DNAJC1: variants seen among roughly 807,000 people sequenced by gnomAD.
The protein encoded by DNAJC1 is dnaJ homolog subfamily C member 1.
Under a neutral mutation model 76.6 loss-of-function variants are expected in DNAJC1, and 58 were observed. The observed-to-expected ratio is 0.76, with a 90% CI of 0.61 to 0.94. DNAJC1 has a LOEUF of 0.94. Among genes scored for constraint, DNAJC1 ranks in the 40% least tolerant of loss-of-function variants. The pLI is 0.00. For missense variants in DNAJC1, 689 were observed against 677.3 expected, an observed-to-expected ratio of 1.02 and a Z score of -0.19; for synonymous variants, 258 against 267.9, an observed-to-expected ratio of 0.96 and a Z score of 0.36.
At chr10:21,889,087 C>T (rs1009117600) in intron 7 of DNAJC1, among the ~76,000 whole-genome samples, 2 of 152,164 alleles carry the variant, frequency 1.3e-5, no homozygotes, top group Non-Finnish European at 2.9e-5. Flanking sequence ...AAGTGGCTCA[C>T]AGCTCTGCGG....
intron 8 of DNAJC1, among the ~76,000 whole-genome samples, chr10:21,806,715 T>A (rs1205513092): frequency 1.3e-5 from 2 of 151,902 alleles, no homozygotes; most frequent in African/African-American, 2.4e-5. Flanking sequence ...TTTTTTTTTT[T>A]AAACTTCGGA....
At chr10:21,790,244 G>C (rs1007182802) in intron 9 of DNAJC1, among the ~76,000 whole-genome samples, 2 of 151,186 alleles carry the variant, frequency 1.3e-5, no homozygotes, top group Non-Finnish European at 2.9e-5. Context: ...GAGAAGACAT[G>C]GAAAAAGGCA....
intron 9 of DNAJC1, among the ~76,000 whole-genome samples, chr10:21,784,221 C>G (rs1182044960): frequency 6.6e-6 from 1 of 151,988 alleles, no homozygotes; most frequent in East Asian, 1.9e-4. Context: ...TCAAACAACC[C>G]CATCAAAAAG....
chr10:21,978,378 C>T (rs2131835029), intron 1 of DNAJC1, among the ~76,000 whole-genome samples: 1 of 152,184 alleles, frequency 6.6e-6, no homozygotes, highest in East Asian at 1.9e-4. Flanking sequence ...AAAGCCTCTC[C>T]TTTCAGTAAA....
chr10:21,886,118 A>C (rs1206760722), intron 7 of DNAJC1, among the ~76,000 whole-genome samples: 1 of 151,786 alleles, frequency 6.6e-6, no homozygotes, highest in African/African-American at 2.4e-5. Flanking sequence ...AACCCCAAAA[A>C]CCACAATTAG....
intron 9 of DNAJC1, among the ~76,000 whole-genome samples, chr10:21,783,251 C>T (rs141425506): frequency 0.019 from 2,850 of 152,274 alleles, 82 homozygotes; most frequent in African/African-American, 0.065. Context: ...TTCTTATACA[C>T]CAATAACAGA....
chr10:21,815,752 CT>C (rs1282861016), intron 8 of DNAJC1, among the ~76,000 whole-genome samples: 34 of 144,834 alleles, frequency 2.3e-4, no homozygotes, highest in African/African-American at 2.5e-4. Flanking sequence ...GGTTCATTTT[CT>C]TTTTTTTTTT....
chr10:21,779,348 T>C (rs754359894), intron 9 of DNAJC1, among the ~76,000 whole-genome samples: 1 of 152,098 alleles, frequency 6.6e-6, no homozygotes, highest in Non-Finnish European at 1.5e-5. Flanking sequence ...CACCTCCCAG[T>C]AGGGGCCAAC....
intron 8 of DNAJC1, among the ~76,000 whole-genome samples, chr10:21,818,917 C>T (rs1336032399): frequency 1.3e-5 from 2 of 152,122 alleles, no homozygotes; most frequent in African/African-American, 2.4e-5. Flanking sequence ...TATTACAATT[C>T]ACTGTCTGAA....
chr10:21,894,628 C>A (rs1836511189), intron 7 of DNAJC1, among the ~76,000 whole-genome samples: 1 of 152,152 alleles, frequency 6.6e-6, no homozygotes, highest in African/African-American at 2.4e-5. Context: ...TTATATGAAG[C>A]TGGCATTACC....
chr10:21,994,353 C>A (rs1838378402), intron 1 of DNAJC1, among the ~76,000 whole-genome samples: 1 of 152,170 alleles, frequency 6.6e-6, no homozygotes, highest in Non-Finnish European at 1.5e-5. Flanking sequence ...CAAAATCAAT[C>A]TAATTTACTT....
At chr10:21,851,417 A>C (rs1215093668) in intron 8 of DNAJC1, among the ~76,000 whole-genome samples, 1 of 152,354 alleles carries the variant, frequency 6.6e-6, no homozygotes, top group Non-Finnish European at 1.5e-5. Context: ...CCAAAGTGAG[A>C]TAGTGAGATA....
chr10:21,947,105 T>C (rs1373635237), intron 1 of DNAJC1, among the ~76,000 whole-genome samples: 3 of 152,218 alleles, frequency 2.0e-5, no homozygotes, highest in African/African-American at 7.2e-5. Flanking sequence ...GTCTGTGGTA[T>C]TCTGTCATAG....
intron 1 of DNAJC1, among the ~76,000 whole-genome samples, chr10:21,972,168 ATTG>A (rs1457958648): frequency 6.6e-6 from 1 of 151,958 alleles, no homozygotes; most frequent in East Asian, 1.9e-4. Context: ...AACTCCAAAT[ATTG>A]TTATTAGATT....
rs1348080614 is a variant in DNAJC1 at position 21,806,059 on chromosome 10, C to A, written c.1019G>T (p.Arg340Ile). ...CCCTCCTGGGAACTTAACCATACTT[C>A]TTGTCAGTTGGCTGAGGTCCTCTTC... ...WTEEDLSQLTRSMVKFPGGTP... is the reference protein window; with the variant it reads ...WTEEDLSQLTISMVKFPGGTP... The change falls in exon 9 of 12, where the codon AGA (arginine) becomes ATA (isoleucine). Residue 340 changes from arginine to isoleucine, a missense_variant. By Grantham distance (97) the Arg-to-Ile change is moderately conservative. Transcript: ENST00000376980. 1 of 1,612,062 alleles carries A rather than the reference C, an allele frequency of 6.2e-7. No individual in the cohort carries two copies. The highest frequency in any genetic ancestry group is 8.5e-7 in the Non-Finnish European group (1 of 1,179,680).
At chr10:21,907,492 A>G (rs1250864944) in intron 6 of DNAJC1, among the ~76,000 whole-genome samples, 1 of 152,140 alleles carries the variant, frequency 6.6e-6, no homozygotes, top group Non-Finnish European at 1.5e-5. Context: ...GCACTGACAA[A>G]TAGAAAGACT....
intron 7 of DNAJC1, among the ~76,000 whole-genome samples, chr10:21,892,391 ATCT>A (rs1282850631): frequency 6.6e-6 from 1 of 151,420 alleles, no homozygotes; most frequent in Non-Finnish European, 1.5e-5. Flanking sequence ...ACGGTCTTTC[ATCT>A]TTTTTACATA....
At chr10:21,788,137 C>A (rs1834635758) in intron 9 of DNAJC1, among the ~76,000 whole-genome samples, 1 of 152,202 alleles carries the variant, frequency 6.6e-6, no homozygotes, top group Non-Finnish European at 1.5e-5. Flanking sequence ...GCTTAAGCAC[C>A]ATTTCTCCCT....
intron 1 of DNAJC1, among the ~76,000 whole-genome samples, chr10:21,952,620 A>G (rs7083643): frequency 1.3e-5 from 2 of 152,190 alleles, no homozygotes; most frequent in African/African-American, 2.4e-5. Context: ...TTATCCAGGC[A>G]TAGTGGCGTG....
Sources: gnomAD v4.1 joint callset for allele counts (sites outside exome capture counted in the v4.1 genomes callset) on GRCh38, gnomAD v4.1.1 for gene constraint, MANE v1.5 for transcripts, NCBI Gene and HGNC (gene_info 2026-07-23, HGNC 2026-07-21) for gene names.